The following CRACDL variants were observed in gnomAD, a reference collection of about 807,000 sequenced individuals.
The protein encoded by CRACDL is CRACD like.
A neutral mutation model predicts 70.6 loss-of-function variants in CRACDL; 26 were observed. That is an observed-to-expected ratio of 0.37 (90% CI 0.27 to 0.51). CRACDL has a LOEUF of 0.51. CRACDL is among the 20% of genes least tolerant of loss of function. CRACDL has a pLI of 0.94. For missense variants in CRACDL, 1,283 were observed against 1,376.9 expected, an observed-to-expected ratio of 0.93 and a Z score of 1.08; for synonymous variants, 618 against 615.2, an observed-to-expected ratio of 1.00 and a Z score of -0.07.
intron 1 of CRACDL, among the ~76,000 whole-genome samples, chr2:98,905,264 A>AG (rs1328879007): frequency 4.9e-5 from 6 of 122,364 alleles, no homozygotes; most frequent in Non-Finnish European, 8.2e-5. Context: ...AAAAAAAAAA[A>AG]AAGAGAGGCT....
chr2:98,916,629 C>T (rs1411186955), intron 1 of CRACDL, among the ~76,000 whole-genome samples: 1 of 152,102 alleles, frequency 6.6e-6, no homozygotes, highest in Non-Finnish European at 1.5e-5. Context: ...TACTCCCACA[C>T]ATAAATATCA....
chr2:98,870,524 A>AGGGAGAGGGCCAATTAGCT (rs2104596231), intron 1 of CRACDL, among the ~76,000 whole-genome samples: 1 of 152,044 alleles, frequency 6.6e-6, no homozygotes, highest in South Asian at 2.1e-4. Flanking sequence ...GCCTTCTCCC[A>AGGGAGAGGGCCAATTAGCT]GGGAGAGGGC....
At chr2:98,867,759 A>G (rs989685411) in intron 1 of CRACDL, among the ~76,000 whole-genome samples, 3 of 152,214 alleles carry the variant, frequency 2.0e-5, no homozygotes, top group Non-Finnish European at 2.9e-5. Context: ...TGCTGCACAC[A>G]TATGTGACGA....
chr2:98,868,727 T>A (rs149094772), intron 1 of CRACDL, among the ~76,000 whole-genome samples: 2 of 152,246 alleles, frequency 1.3e-5, no homozygotes, highest in African/African-American at 4.8e-5. Flanking sequence ...TCAAAGCATA[T>A]CAACTATGCC....
chr2:98,868,078 T>C (rs1394075387), intron 1 of CRACDL, among the ~76,000 whole-genome samples: 1 of 152,238 alleles, frequency 6.6e-6, no homozygotes, highest in Admixed American at 6.5e-5. Flanking sequence ...GTTTCATTCT[T>C]AGTAAAAAGA....
At chr2:98,869,382 C>CA (rs1337726553) in intron 1 of CRACDL, 1 of 792,068 alleles carries the variant, frequency 1.3e-6, no homozygotes, top group Non-Finnish European at 1.7e-6. Flanking sequence ...CTAAGAAACG[C>CA]AATGCACTTC....
intron 1 of CRACDL, among the ~76,000 whole-genome samples, chr2:98,899,268 AG>A (rs1363865511): frequency 1.2e-4 from 18 of 152,368 alleles, no homozygotes; most frequent in African/African-American, 4.1e-4. Context: ...GTGACACAAG[AG>A]CTCTTAACCT....
chr2:98,813,119 G>C lies in CRACDL; in HGVS notation c.2416+8738C>G, dbSNP rs547549202. ...ACCATTTGGTTGTGATGTACAATTT[G>C]ATAATATTTTGTTAAGAATTTTGCA... is the stretch of plus-strand genomic sequence containing the variant. On this transcript the variant is annotated intron_variant, in intron 7 of 9. Coordinates refer to ENST00000397899, the MANE Select transcript of CRACDL (RefSeq NM_207362.3). 2.0e-5 allele frequency among the ~76,000 whole-genome samples: 3 copies of C among 152,104 alleles called. No individual in the cohort carries two copies. In the East Asian group the frequency reaches 5.8e-4, roughly 30 times the overall value.
chr2:98,878,564 G>A (rs187413850), intron 1 of CRACDL, among the ~76,000 whole-genome samples: 110 of 152,310 alleles, frequency 7.2e-4, no homozygotes, highest in Non-Finnish European at 1.3e-3. Context: ...CTGCTATTAA[G>A]TGATCCATGA....
intron 1 of CRACDL, among the ~76,000 whole-genome samples, chr2:98,901,322 A>T (rs1708274794): frequency 6.6e-6 from 1 of 151,722 alleles, no homozygotes; most frequent in Non-Finnish European, 1.5e-5. Context: ...ACACAATAGG[A>T]CCTCTGGTTT....
At chr2:98,801,306 C>A (rs1704064975) in intron 7 of CRACDL, among the ~76,000 whole-genome samples, 1 of 152,198 alleles carries the variant, frequency 6.6e-6, no homozygotes, top group Non-Finnish European at 1.5e-5. Context: ...GAGAGAGAAC[C>A]CACTCCAGCT....
chr2:98,807,601 C>T (rs1365323327), intron 7 of CRACDL, among the ~76,000 whole-genome samples: 3 of 152,258 alleles, frequency 2.0e-5, no homozygotes, highest in Non-Finnish European at 4.4e-5. Context: ...TCCACCTCTC[C>T]TCCACAGTTT....
chr2:98,881,007 C>G (rs1707636276), intron 1 of CRACDL, among the ~76,000 whole-genome samples: 1 of 152,210 alleles, frequency 6.6e-6, no homozygotes, highest in Non-Finnish European at 1.5e-5. Context: ...CTTCCACTCT[C>G]AGGATGGCTA....
intron 1 of CRACDL, among the ~76,000 whole-genome samples, chr2:98,886,900 T>C (rs1426155318): frequency 6.6e-6 from 1 of 152,186 alleles, no homozygotes; most frequent in Non-Finnish European, 1.5e-5. Context: ...GGGAGCCCAG[T>C]CAGATCTGCT....
intron 1 of CRACDL, among the ~76,000 whole-genome samples, chr2:98,930,381 C>T (rs1375256148): frequency 3.6e-5 from 2 of 56,180 alleles, no homozygotes; most frequent in Admixed American, 1.6e-4. Flanking sequence ...CCCTCTGTAC[C>T]GTGTCCCCTA....
intron 7 of CRACDL, among the ~76,000 whole-genome samples, chr2:98,801,118 C>A (rs930935281): frequency 6.6e-6 from 1 of 152,232 alleles, no homozygotes; most frequent in East Asian, 1.9e-4. Context: ...TGCCTCTTTC[C>A]CTGCAACTGC....
chr2:98,854,279 C>CAAA (rs1229198569), intron 1 of CRACDL, among the ~76,000 whole-genome samples: 149 of 54,024 alleles, frequency 2.8e-3, no homozygotes, highest in African/African-American at 5.4e-3. Flanking sequence ...GACTCTGTCT[C>CAAA]AAAAAAAAAA....
At chr2:98,821,727 T>TG (rs1705037555) in intron 7 of CRACDL, 130 bp downstream of exon 7, 5 of 1,225,096 alleles carry the variant, frequency 4.1e-6, no homozygotes, top group Non-Finnish European at 5.6e-6. Flanking sequence ...TTAGTGGGAA[T>TG]TCTGACTCCT....
chr2:98,798,348 G>T (rs1396727811), intron 7 of CRACDL, among the ~76,000 whole-genome samples: 2 of 149,508 alleles, frequency 1.3e-5, no homozygotes, highest in African/African-American at 4.9e-5. Context: ...GGAGGCTGAG[G>T]CAGGAGAATG....
Sources: gnomAD v4.1 joint callset for allele counts (sites outside exome capture counted in the v4.1 genomes callset) on GRCh38, gnomAD v4.1.1 for gene constraint, MANE v1.5 for transcripts, NCBI Gene and HGNC (gene_info 2026-07-23, HGNC 2026-07-21) for gene names.